Variants in IL7 observed in about 807,000 individuals in gnomAD.
IL7 encodes the protein interleukin-7.
Under a neutral mutation model 21.6 loss-of-function variants are expected in IL7, and 3 were observed. The ratio of observed to expected loss-of-function variants is 0.14; its 90% CI spans 0.06 to 0.36. IL7 has a LOEUF of 0.36. IL7 is among the 10% of genes least tolerant of loss of function. IL7 has a pLI of 1.00. For missense variants in IL7, 175 were observed against 200.2 expected (o/e 0.87, Z 0.76); for synonymous variants, 62 against 68.1 (o/e 0.91, Z 0.44).
chr8:78,685,666 G>A (rs1191301773), intron 4 of IL7, among the ~76,000 whole-genome samples: 1 of 152,116 alleles, frequency 6.6e-6, no homozygotes, highest in Non-Finnish European at 1.5e-5. Context: ...AATTTAAAAA[G>A]GTGCTCAGTC....
downstream of IL7, among the ~76,000 whole-genome samples, chr8:78,729,736 A>C (rs1811392219): frequency 6.6e-6 from 1 of 151,990 alleles, no homozygotes; most frequent in South Asian, 2.1e-4. Context: ...TTGTGATAGT[A>C]TTTGGACCAT....
At chr8:78,700,053 A>G (rs575538673) in intron 3 of IL7, among the ~76,000 whole-genome samples, 61 of 152,308 alleles carry the variant, frequency 4.0e-4, no homozygotes, top group Admixed American at 9.8e-4. Context: ...TGTCTTTCAC[A>G]GTGGCTGAAG....
rs1331783257 is a variant in IL7 at position 78,733,553 on chromosome 8, T to G, written c.*160A>C. On this transcript the variant is annotated 3_prime_UTR_variant, in exon 6 of 6. Coordinates refer to ENST00000263851, the MANE Select transcript of IL7 (RefSeq NM_000880.4). Reference sequence around the variant, plus strand: ...GTTTCCATTGTTTGTATTCATCTTCTAGTAATACAATATGCATTTCTCAAA... The same window carrying G: ...GTTTCCATTGTTTGTATTCATCTTCGAGTAATACAATATGCATTTCTCAAA... 3 of 617,364 alleles carry G rather than the reference T, an allele frequency of 4.9e-6. No homozygotes were observed. The highest frequency in any genetic ancestry group is 3.2e-5 in the East Asian group (1 of 31,252). 38.2% of individuals were successfully genotyped at this position (617,364 alleles called of 1,614,324 possible). A position where few individuals can be genotyped will look rare whatever the true frequency, so the allele number is the denominator to read the frequency against.
rs1243145013 is a variant in IL7, at chr8:78,687,529, T to A, written n.215-1582A>T. On this transcript the variant is annotated intron_variant and non_coding_transcript_variant, in intron 3 of 4. Transcript: ENST00000523959. ...AATTATATATATTTATATAATAAAT[T>A]ATATATTTATATAATAAATTTTATA... 2.1e-5 allele frequency among the ~76,000 whole-genome samples: 3 copies of A among 143,876 alleles called. No individual in the cohort carries two copies. In the South Asian group the frequency reaches 6.3e-4, roughly 30 times the overall value. 94.4% of individuals were successfully genotyped at this position (143,876 alleles called of 152,430 possible). A position where few individuals can be genotyped will look rare whatever the true frequency, so the allele number is the denominator to read the frequency against.
Position 78,697,424 on chromosome 8 carries a change from T to A in IL7, n.215-11477A>T, listed in dbSNP as rs748867265. The A allele has an allele frequency of 1.9e-6, 3 of 1,600,286 alleles. No homozygotes were observed. The South Asian group carries it at 3.4e-5, about 18-fold the overall frequency. Reference sequence around the variant, plus strand: ...TATTTTAGTATAAGCCACCCGCACTTAAAAAGTCAAATTCTCCTGGAACTG... The same window carrying A: ...TATTTTAGTATAAGCCACCCGCACTAAAAAAGTCAAATTCTCCTGGAACTG... On this transcript the variant is annotated intron_variant and non_coding_transcript_variant, in intron 3 of 4. Transcript: ENST00000523959.
At chr8:78,802,280 G>A (rs1475956803) in intron 1 of IL7, among the ~76,000 whole-genome samples, 3 of 152,168 alleles carry the variant, frequency 2.0e-5, no homozygotes, top group South Asian at 2.1e-4. Context: ...TTTACTGAAT[G>A]TCCATTGCAT....
intron 5 of IL7, among the ~76,000 whole-genome samples, chr8:78,720,302 G>A (rs1010862283): frequency 6.6e-6 from 1 of 151,748 alleles, no homozygotes; most frequent in Non-Finnish European, 1.5e-5. Context: ...TTCATTGAAT[G>A]TGTATGTATT....
chr8:78,776,150 C>T (rs1294702060), intron 2 of IL7, among the ~76,000 whole-genome samples: 2 of 152,068 alleles, frequency 1.3e-5, no homozygotes, highest in Non-Finnish European at 2.9e-5. Context: ...TCTAGCATCA[C>T]TACTCTTGCT....
At chr8:78,681,947 G>C (rs1585987043) in intron 4 of IL7, among the ~76,000 whole-genome samples, 1 of 120,692 alleles carries the variant, frequency 8.3e-6, no homozygotes, top group Non-Finnish European at 1.7e-5. Flanking sequence ...TTACTATGTT[G>C]ACCAGGCTGG....
At chr8:78,742,109 C>T (rs572166863) in intron 2 of IL7, among the ~76,000 whole-genome samples, 1 of 150,160 alleles carries the variant, frequency 6.7e-6, no homozygotes, top group African/African-American at 2.5e-5. Context: ...GTCAGTAGTT[C>T]GAGACCAGCC....
intron 2 of IL7, among the ~76,000 whole-genome samples, chr8:78,748,835 A>G (rs149639722): frequency 1.3e-5 from 2 of 152,342 alleles, no homozygotes; most frequent in East Asian, 3.8e-4. Context: ...AAATTTATCT[A>G]CATAAAGAAA....
rs1431700506 is a variant in IL7, at chr8:78,760,715, T to C, written c.148-20633A>G. ...ACTTAGGGTTTCTTTATAGTAACTC[T>C]CAAAGGTTAGCTGAGATTCCAAGTT... On this transcript the variant is annotated intron_variant, in intron 2 of 5. Transcript: ENST00000263851. 3 of 1,564,980 alleles carry C rather than the reference T, an allele frequency of 1.9e-6. No individual in the cohort carries two copies. The African/African-American group carries it at 4.5e-5, about 24-fold the overall frequency.
chr8:78,686,058 A>G (rs1809959221), intron 3 of IL7: 1 of 152,398 alleles, frequency 6.6e-6, no homozygotes, highest in Admixed American at 6.5e-5. Flanking sequence ...TGCTACTGGG[A>G]TAATGGCATT....
At chr8:78,681,976 A>G (rs1383208033) in intron 4 of IL7, among the ~76,000 whole-genome samples, 3 of 148,936 alleles carry the variant, frequency 2.0e-5, no homozygotes, top group Non-Finnish European at 4.4e-5. Context: ...TCCTGGCCTC[A>G]GGTGATTTCT....
intron 2 of IL7, among the ~76,000 whole-genome samples, chr8:78,794,469 A>C (rs895002860): frequency 1.3e-5 from 2 of 152,112 alleles, no homozygotes; most frequent in African/African-American, 2.4e-5. Context: ...TGTCCCTAAC[A>C]AGAGAGTTAG....
chr8:78,675,826 G>A, exon 5 of IL7: 1 of 1,610,238 alleles, frequency 6.2e-7, no homozygotes. Context: ...TTGTTACCTT[G>A]CAAGATTTGT....
intron 4 of IL7, among the ~76,000 whole-genome samples, chr8:78,680,938 T>C (rs542980803): frequency 3.3e-5 from 5 of 152,192 alleles, no homozygotes; most frequent in African/African-American, 1.2e-4. Flanking sequence ...AGGGCTGAAA[T>C]TGTATAAAAG....
At chr8:78,699,971 G>GAATATATA (rs1810548731) in intron 3 of IL7, among the ~76,000 whole-genome samples, 1 of 152,020 alleles carries the variant, frequency 6.6e-6, no homozygotes, top group East Asian at 1.9e-4. Context: ...ATTCTTCTGG[G>GAATATATA]TATATACTCA....
downstream of IL7, chr8:78,732,673 GT>G (rs368374704): frequency 6.6e-6 from 1 of 152,024 alleles, no homozygotes; most frequent in African/African-American, 2.4e-5. Flanking sequence ...GCTATTAAAG[GT>G]CATATATTCA....
Sources: allele counts gnomAD v4.1 joint callset (sites outside exome capture counted in the v4.1 genomes callset), GRCh38; gene constraint gnomAD v4.1.1; transcripts MANE v1.5; gene names NCBI Gene and HGNC (gene_info 2026-07-23, HGNC 2026-07-21).